LRRC4B: variants seen among roughly 807,000 people sequenced by gnomAD.
The protein encoded by LRRC4B is leucine rich repeat containing 4B.
Under a neutral mutation model 7.3 loss-of-function variants are expected in LRRC4B, and 1 was observed. That is an observed-to-expected ratio of 0.14 (90% CI 0.05 to 0.65). LRRC4B has a LOEUF of 0.65. LRRC4B is among the 30% of genes least tolerant of loss of function. LRRC4B has a pLI of 0.84. For missense variants in LRRC4B, 730 were observed against 1,041.6 expected (o/e 0.70, Z 4.12); for synonymous variants, 500 against 499.2 (o/e 1.00, Z -0.02).
rs376404533 is a variant in LRRC4B, at chr19:50,518,051, C to T, written c.1662G>A (p.Thr554=). The change falls in exon 3 of 3, where the codon ACG becomes ACA. Residue 554 remains threonine, a synonymous_variant. Coordinates refer to ENST00000652263, the MANE Select transcript of LRRC4B (RefSeq NM_001080457.2). ...RSSRPTEKAF[T]VPITDVTENA... ...TCTCCGTCACATCCGTGATGGGCAC[C>T]GTGAACGCCTTCTCCGTGGGCCGCG... 9 of 1,579,850 alleles carry T rather than the reference C, an allele frequency of 5.7e-6. No homozygotes were observed. The highest frequency in any genetic ancestry group is 7.7e-6 in the Non-Finnish European group (9 of 1,166,108).
At chr19:50,559,199 C>T (rs1208722662) in intron 1 of LRRC4B, among the ~76,000 whole-genome samples, 1 of 152,194 alleles carries the variant, frequency 6.6e-6, no homozygotes, top group Non-Finnish European at 1.5e-5. Flanking sequence ...CTTTGGGAGG[C>T]CAAGGTGGGC....
At chr19:50,536,470 G>A (rs960511466) in intron 2 of LRRC4B, among the ~76,000 whole-genome samples, 2 of 152,190 alleles carry the variant, frequency 1.3e-5, no homozygotes, top group Non-Finnish European at 2.9e-5. Flanking sequence ...CTTTCTGCAC[G>A]CAGTGTCGAG....
chr19:50,546,688 C>T (rs978885624), intron 2 of LRRC4B, among the ~76,000 whole-genome samples: 3 of 152,100 alleles, frequency 2.0e-5, no homozygotes, highest in South Asian at 2.1e-4. Context: ...AATGTACGTC[C>T]GCTGGTGGCG....
In LRRC4B at chr19:50,518,845, T is replaced by A; in HGVS notation, c.868A>T (p.Met290Leu). The part of the protein sequence containing the change: ...EELNLSHNNL[M>L]SLPHDLFTPL... ...GTGAAGAGGTCGTGGGGCAGCGACA[T>A]CAGGTTGTTGTGGGACAGGTTGAGC... is the stretch of plus-strand genomic sequence containing the variant. The change falls in exon 3 of 3, where the codon ATG becomes TTG. Residue 290 changes from methionine to leucine, a missense_variant. Coordinates refer to ENST00000652263, the MANE Select transcript of LRRC4B (RefSeq NM_001080457.2). 6.2e-7 allele frequency: 1 copy of A among 1,613,864 alleles called. No homozygotes were observed.
chr19:50,544,089 C>G lies in LRRC4B; in HGVS notation c.297+4453G>C, dbSNP rs9636138. The stretch of plus-strand genomic sequence containing the variant: ...GGGCGTGGTGGTGTGCGCCTGTAAT[C>G]CCAGCTACTTGGGAGGCTGAGGCGG... On this transcript the variant is annotated intron_variant, in intron 2 of 2. Transcript: ENST00000652263. 8.9e-4 allele frequency among the ~76,000 whole-genome samples: 135 copies of G among 152,122 alleles called. 1 individual carries two copies. The East Asian group carries it at 0.019, about 21-fold the overall frequency.
intron 2 of LRRC4B, among the ~76,000 whole-genome samples, chr19:50,546,436 A>G (rs942679001): frequency 1.3e-5 from 2 of 152,288 alleles, no homozygotes; most frequent in Non-Finnish European, 1.5e-5. Context: ...AGGGAGGCCA[A>G]GCCCACTGAC....
chr19:50,540,714 C>T (rs1057464056), intron 2 of LRRC4B, among the ~76,000 whole-genome samples: 3 of 151,458 alleles, frequency 2.0e-5, no homozygotes, highest in African/African-American at 7.3e-5. Flanking sequence ...CGAGGGATTT[C>T]GTTTACTTGC....
In LRRC4B at chr19:50,519,873, GAAAC is replaced by G. The variant is rs1290985724; in HGVS notation, c.298-462_298-459del. 1.4e-5 allele frequency among the ~76,000 whole-genome samples: 2 copies of G among 148,136 alleles called. No homozygotes were observed. Among genetic ancestry groups the G allele is most frequent in the East Asian group, 2.0e-4 (1 of 4,904 alleles). ...GGGCAACAGAGCAAGACTCCATGTA[GAAAC>G]AAACAAAAAAACTGGATTCAAGAAT... is the stretch of plus-strand genomic sequence containing the variant. On this transcript the variant is annotated intron_variant, in intron 2 of 2. Coordinates refer to ENST00000652263, the MANE Select transcript of LRRC4B (RefSeq NM_001080457.2). The surrounding 1 kb of genome is among the most constrained non-coding windows in gnomAD (Gnocchi z 8.1).
chr19:50,534,929 A>AGTGGT (rs1349490196), intron 2 of LRRC4B, among the ~76,000 whole-genome samples: 1 of 152,134 alleles, frequency 6.6e-6, no homozygotes, highest in Non-Finnish European at 1.5e-5. Context: ...GCTGGAGTGC[A>AGTGGT]GCGATCTCAG....
intron 2 of LRRC4B, among the ~76,000 whole-genome samples, chr19:50,545,356 C>A (rs758318306): frequency 6.9e-6 from 1 of 144,734 alleles, no homozygotes; most frequent in Non-Finnish European, 1.5e-5. Context: ...TGCGGTGAGC[C>A]GAGATCACGC....
At position 50,556,457 on chromosome 19, in the gene LRRC4B, G is replaced by A. The variant is rs1180538166; in HGVS notation, c.-35-7584C>T. The stretch of plus-strand genomic sequence containing the variant: ...CCCCTGCTGTGCCCTCGGCCAGCCG[G>A]GGGTGCTCTTCCTGGGGTCAGGGGG... On this transcript the variant is annotated intron_variant, in intron 1 of 2. Transcript: ENST00000652263. The surrounding 1 kb of genome is among the most constrained non-coding windows in gnomAD (Gnocchi z 4.2). 6.6e-6 allele frequency among the ~76,000 whole-genome samples: 1 copy of A among 152,122 alleles called. No individual in the cohort carries two copies. Among genetic ancestry groups the A allele is most frequent in the African/African-American group, 2.4e-5 (1 of 41,420 alleles).
At position 50,563,999 on chromosome 19, in the gene LRRC4B, C is replaced by T. The variant is rs1048357853; in HGVS notation, c.-36+3945G>A. The stretch of plus-strand genomic sequence containing the variant: ...AAGGAGGAGGGGCAGAGAGAGGACC[C>T]GGCAAGGGAAACCAAGGGAAGGAGA... On this transcript the variant is annotated intron_variant, in intron 1 of 2. Transcript: ENST00000652263. This position sits in a 1 kb window ranked among gnomAD's most constrained non-coding sequence, Gnocchi z 4.9. Among the ~76,000 whole-genome samples, 2 of 152,000 alleles carry T rather than the reference C, an allele frequency of 1.3e-5. No homozygotes were observed. Among genetic ancestry groups the T allele is most frequent in the African/African-American group, 4.8e-5 (2 of 41,364 alleles).
At chr19:50,552,628 T>C (rs866418773) in intron 1 of LRRC4B, among the ~76,000 whole-genome samples, 6,147 of 65,882 alleles carry the variant, frequency 0.093, 379 homozygotes, top group African/African-American at 0.21. Context: ...ATCCATCCAT[T>C]CATCCATCCG....
Position 50,558,839 on chromosome 19 carries a change from C to G in LRRC4B, c.-36+9105G>C, listed in dbSNP as rs183207869. Among the ~76,000 whole-genome samples the G allele has an allele frequency of 4.2e-3, 637 of 152,368 alleles. 1 individual carries two copies. Among genetic ancestry groups the G allele is most frequent in the African/African-American group, 0.014 (591 of 41,590 alleles). On this transcript the variant is annotated intron_variant, in intron 1 of 2. Coordinates refer to ENST00000652263, the MANE Select transcript of LRRC4B (RefSeq NM_001080457.2). ...GCTCCTTGGCCCTGCCCAGCTACCT[C>G]ACAGGGCTCTTATGGGACTCATGGA...
At position 50,519,338 on chromosome 19, in the gene LRRC4B, G is replaced by T; in HGVS notation, c.375C>A (p.Ile125=). ...LQLSKNLVRK[I]EVGAFNGLPS... ...GCAGCCCGTTGAAGGCGCCCACCTC[G>T]ATCTTGCGCACCAGGTTCTTGCTCA... is the stretch of plus-strand genomic sequence containing the variant. Residue 125 remains isoleucine, a synonymous_variant, in exon 3 of 3, where the codon ATC becomes ATA. Transcript: ENST00000652263. The surrounding 1 kb of genome is among the most constrained non-coding windows in gnomAD (Gnocchi z 8.1). The T allele has an allele frequency of 1.9e-6, 3 of 1,612,484 alleles. No homozygotes were observed. The highest frequency in any genetic ancestry group is 2.5e-6 in the Non-Finnish European group (3 of 1,179,988).
At chr19:50,520,234 A>AAAAAAAAAAAAAAAAAAAAAAAAT (rs1980508893) in intron 2 of LRRC4B, among the ~76,000 whole-genome samples, 1 of 70,830 alleles carries the variant, frequency 1.4e-5, no homozygotes, top group Non-Finnish European at 2.6e-5. Context: ...AAAAAAAAAA[A>AAAAAAAAAAAAAAAAAAAAAAAAT]AAAAAAAAAA....
chr19:50,546,952 G>A (rs1193612023), intron 2 of LRRC4B, among the ~76,000 whole-genome samples: 1 of 152,228 alleles, frequency 6.6e-6, no homozygotes, highest in African/African-American at 2.4e-5. Flanking sequence ...GGCTAGGGCT[G>A]GGCTTTGCCT....
At position 50,553,983 on chromosome 19, in the gene LRRC4B, G is replaced by A. The variant is rs977128165; in HGVS notation, c.-35-5110C>T. Among the ~76,000 whole-genome samples, 1 of 147,090 alleles carries A rather than the reference G, an allele frequency of 6.8e-6. No homozygotes were observed. The highest frequency in any genetic ancestry group is 2.5e-5 in the African/African-American group (1 of 39,904). ...CCATCCCAGGAGGCCTGCTGGCAGAGGCAGCACCTTTTTTTTTTTTTTTTT... is the reference window on the plus strand; with the variant it reads ...CCATCCCAGGAGGCCTGCTGGCAGAAGCAGCACCTTTTTTTTTTTTTTTTT... On this transcript the variant is annotated intron_variant, in intron 1 of 2. Transcript: ENST00000652263. The surrounding 1 kb of genome is among the most constrained non-coding windows in gnomAD (Gnocchi z 4.2).
chr19:50,528,649 T>G (rs1490814661), intron 2 of LRRC4B, among the ~76,000 whole-genome samples: 1 of 152,144 alleles, frequency 6.6e-6, no homozygotes, highest in Non-Finnish European at 1.5e-5. Flanking sequence ...CCGGCCGATT[T>G]TTTTCTTAAT....
Sources: gnomAD v4.1 joint callset for allele counts (sites outside exome capture counted in the v4.1 genomes callset) on GRCh38, gnomAD v4.1.1 for gene constraint, Gnocchi (gnomAD v3.1) non-coding constraint, MANE v1.5 for transcripts, NCBI Gene and HGNC (gene_info 2026-07-23, HGNC 2026-07-21) for gene names.